ANKS1B: variants seen among roughly 807,000 people sequenced by gnomAD.
The protein encoded by ANKS1B is ankyrin repeat and sterile alpha motif domain-containing protein 1B.
ANKS1B carries 36 observed loss-of-function variants against 148.3 expected under a neutral mutation model. That is an observed-to-expected ratio of 0.24 (90% CI 0.19 to 0.32). ANKS1B has a LOEUF of 0.32. Ranked by LOEUF, ANKS1B falls within the 10% of genes least tolerant of loss-of-function variation. The pLI is 1.00. For missense variants in ANKS1B, 1,157 were observed against 1,542.6 expected, an observed-to-expected ratio of 0.75 and a Z score of 4.19; for synonymous variants, 542 against 560.8, an observed-to-expected ratio of 0.97 and a Z score of 0.47.
At chr12:99,307,374 A>C (rs1225213089) in intron 12 of ANKS1B, among the ~76,000 whole-genome samples, 1 of 152,072 alleles carries the variant, frequency 6.6e-6, no homozygotes, top group African/African-American at 2.4e-5. Flanking sequence ...TTGACACTGG[A>C]ATAGAGAAAG....
At chr12:99,359,305 A>C (rs1158323273) in intron 12 of ANKS1B, among the ~76,000 whole-genome samples, 1 of 151,918 alleles carries the variant, frequency 6.6e-6, no homozygotes, top group Non-Finnish European at 1.5e-5. Context: ...CCATTTTCCT[A>C]CCTTTCTCTC....
intron 16 of ANKS1B, among the ~76,000 whole-genome samples, chr12:99,070,394 T>G (rs1214770113): frequency 6.6e-6 from 1 of 152,244 alleles, no homozygotes; most frequent in African/African-American, 2.4e-5. Context: ...TGTCACTTGT[T>G]TAGCCTGCTT....
chr12:99,792,643 T>C (rs1186260286), intron 4 of ANKS1B, among the ~76,000 whole-genome samples: 1 of 151,896 alleles, frequency 6.6e-6, no homozygotes, highest in East Asian at 1.9e-4. Flanking sequence ...GAAAACATAT[T>C]TGATGCAGTC....
Position 99,124,273 on chromosome 12 carries a change from C to T in ANKS1B, c.2526+30016G>A, listed in dbSNP as rs189837576. ...CAAGGATTTAAGAAATAATCAGACT[C>T]TGGATGTTTTTAGAGGTAGTGCCAG... On this transcript the variant is annotated intron_variant, in intron 15 of 26. Transcript: ENST00000683438. 1.4e-4 allele frequency among the ~76,000 whole-genome samples: 21 copies of T among 152,232 alleles called. No homozygotes were observed. The East Asian group carries it at 4.1e-3, about 29-fold the overall frequency.
intron 14 of ANKS1B, among the ~76,000 whole-genome samples, chr12:99,159,642 C>T (rs560810249): frequency 3.6e-4 from 54 of 152,098 alleles, no homozygotes; most frequent in Non-Finnish European, 6.9e-4. Flanking sequence ...GATGAGTACT[C>T]AGGTTGATGC....
At chr12:99,539,541 C>A (rs567080923) in intron 9 of ANKS1B, among the ~76,000 whole-genome samples, 13 of 152,122 alleles carry the variant, frequency 8.5e-5, no homozygotes, top group African/African-American at 2.4e-4. Flanking sequence ...TAGAAAATAT[C>A]TATTTAATAC....
chr12:99,282,848 G>C (rs1272060843), intron 12 of ANKS1B, among the ~76,000 whole-genome samples: 4 of 152,138 alleles, frequency 2.6e-5, no homozygotes, highest in Non-Finnish European at 5.9e-5. Flanking sequence ...CATTCAAATG[G>C]AGAGGTCAAA....
At chr12:99,219,050 T>C (rs1161740535) in intron 14 of ANKS1B, among the ~76,000 whole-genome samples, 1 of 152,146 alleles carries the variant, frequency 6.6e-6, no homozygotes, top group Non-Finnish European at 1.5e-5. Flanking sequence ...TCCTGAGAGA[T>C]CAGATGATTC....
intron 25 of ANKS1B, among the ~76,000 whole-genome samples, chr12:98,753,435 T>C (rs999901931): frequency 3.0e-4 from 12 of 40,654 alleles, no homozygotes; most frequent in African/African-American, 1.5e-3. Flanking sequence ...TTCTTTTTTC[T>C]TTTTTTTTTG....
Position 99,098,767 on chromosome 12 carries a change from CCCA to C in ANKS1B, c.2527-13747_2527-13745del, listed in dbSNP as rs372429528. ...GGCAGAAAAATTCAGGGTTCCCCCC[CCCA>C]CCCCCAGCTCTGCCATTTACTTAGC... On this transcript the variant is annotated intron_variant, in intron 15 of 26. Transcript: ENST00000683438. 6.5e-3 allele frequency among the ~76,000 whole-genome samples: 956 copies of C among 147,914 alleles called. 22 individuals carry two copies. The East Asian group carries it at 0.081, about 13-fold the overall frequency.
intron 1 of ANKS1B, among the ~76,000 whole-genome samples, chr12:99,858,699 A>C (rs894390564): frequency 4.6e-5 from 7 of 152,186 alleles, no homozygotes; most frequent in African/African-American, 1.4e-4. Context: ...CTCAGCAATA[A>C]AAGGGAACAA....
At chr12:99,500,517 A>G (rs1356410288) in intron 10 of ANKS1B, among the ~76,000 whole-genome samples, 1 of 152,214 alleles carries the variant, frequency 6.6e-6, no homozygotes, top group African/African-American at 2.4e-5. Flanking sequence ...TGACACAGAT[A>G]ATCAGTCCCT....
chr12:99,410,047 A>T lies in ANKS1B; in HGVS notation c.1576-10236T>A, dbSNP rs562707755. 5.3e-5 allele frequency among the ~76,000 whole-genome samples: 8 copies of T among 152,366 alleles called. No homozygotes were observed. In the East Asian group the frequency reaches 1.3e-3, roughly 26 times the overall value. On this transcript the variant is annotated intron_variant, in intron 11 of 26. Coordinates refer to ENST00000683438, the MANE Select transcript of ANKS1B (RefSeq NM_001352186.2). ...TTTACTTAGCAGGAGTCAGCAAACT[A>T]CATCTTATGTGCCAAAGCCAGGCTT... is the stretch of plus-strand genomic sequence containing the variant.
chr12:98,744,857 C>T lies in ANKS1B; in HGVS notation c.*882G>A, dbSNP rs1269904777. ...AAGATTAAAAAACAATCTTGGCAGG[C>T]TGATGGCTGCGTCAGCACTTCCGGG... On this transcript the variant is annotated 3_prime_UTR_variant, in exon 27 of 27. Coordinates refer to ENST00000683438, the MANE Select transcript of ANKS1B (RefSeq NM_001352186.2). The T allele has an allele frequency of 1.0e-6, 1 of 985,236 alleles. No individual in the cohort carries two copies. 61.0% of individuals were successfully genotyped at this position (985,236 alleles called of 1,614,324 possible).
intron 14 of ANKS1B, among the ~76,000 whole-genome samples, chr12:99,180,966 G>C (rs977119729): frequency 6.6e-6 from 1 of 152,012 alleles, no homozygotes; most frequent in Admixed American, 6.6e-5. Flanking sequence ...CCCATATCTG[G>C]GGTGAATCTG....
chr12:99,240,859 G>T (rs983627570), intron 14 of ANKS1B, among the ~76,000 whole-genome samples: 1 of 152,166 alleles, frequency 6.6e-6, no homozygotes, highest in African/African-American at 2.4e-5. Context: ...TGAGAACAAA[G>T]ACACATTGTA....
At chr12:99,598,322 A>C (rs1346853208) in intron 9 of ANKS1B, among the ~76,000 whole-genome samples, 1 of 152,098 alleles carries the variant, frequency 6.6e-6, no homozygotes, top group East Asian at 1.9e-4. Context: ...TCATAAATAC[A>C]ATGAAAATAC....
At chr12:99,975,301 C>A (rs182023559) in intron 1 of ANKS1B, among the ~76,000 whole-genome samples, 88 of 152,294 alleles carry the variant, frequency 5.8e-4, no homozygotes, top group Admixed American at 8.5e-4. Context: ...ACGAAAAGAG[C>A]TGCTTCTTTC....
chr12:99,401,594 A>G (rs140282000), intron 11 of ANKS1B, among the ~76,000 whole-genome samples: 16 of 146,940 alleles, frequency 1.1e-4, no homozygotes, highest in East Asian at 7.7e-4. Flanking sequence ...TTTGTGCAAT[A>G]TTAATTCATT....
Sources: gnomAD v4.1 joint callset for allele counts (sites outside exome capture counted in the v4.1 genomes callset) on GRCh38, gnomAD v4.1.1 for gene constraint, MANE v1.5 for transcripts, NCBI Gene and HGNC (gene_info 2026-07-23, HGNC 2026-07-21) for gene names.